Variants in GPR39 observed in about 807,000 individuals in gnomAD.
The protein encoded by GPR39 is G protein-coupled receptor 39, also known as zinc sensing receptor.
Under a neutral mutation model 18.4 loss-of-function variants are expected in GPR39, and 23 were observed. The ratio of observed to expected loss-of-function variants is 1.25; its 90% CI spans 0.90 to 1.77. GPR39 has a LOEUF of 1.77. Ranked by LOEUF, GPR39 falls within the 40% of genes most tolerant of loss-of-function variation. GPR39 has a pLI of 0.00. For missense variants in GPR39, 647 were observed against 602.4 expected, an observed-to-expected ratio of 1.07 and a Z score of -0.78; for synonymous variants, 280 against 257.9, an observed-to-expected ratio of 1.09 and a Z score of -0.82.
intron 1 of GPR39, among the ~76,000 whole-genome samples, chr2:132,542,910 G>A (rs116678019): frequency 0.015 from 2,285 of 152,258 alleles, 53 homozygotes; most frequent in African/African-American, 0.052. Context: ...AGGTGTCTGA[G>A]TTCCAGCCAG....
At chr2:132,507,560 C>G (rs1279826465) in intron 1 of GPR39, among the ~76,000 whole-genome samples, 1 of 152,176 alleles carries the variant, frequency 6.6e-6, no homozygotes, top group Non-Finnish European at 1.5e-5. Flanking sequence ...GTTTGAACCT[C>G]AGGAGTCTAC....
intron 1 of GPR39, among the ~76,000 whole-genome samples, chr2:132,570,416 C>T (rs1224692143): frequency 2.0e-5 from 3 of 152,132 alleles, no homozygotes; most frequent in Non-Finnish European, 4.4e-5. Context: ...TCCTTATATG[C>T]CCTCTACTAT....
intron 1 of GPR39, among the ~76,000 whole-genome samples, chr2:132,613,772 T>G (rs527664309): frequency 6.6e-6 from 1 of 152,330 alleles, no homozygotes; most frequent in East Asian, 1.9e-4. Flanking sequence ...AGTATCAGTG[T>G]CTATTGAAGT....
intron 1 of GPR39, among the ~76,000 whole-genome samples, chr2:132,552,204 G>T (rs549724526): frequency 6.6e-6 from 1 of 152,218 alleles, no homozygotes; most frequent in Non-Finnish European, 1.5e-5. Flanking sequence ...TAATAGTTTG[G>T]ATATATGTCC....
At chr2:132,615,774 T>C (rs114917035) in intron 1 of GPR39, among the ~76,000 whole-genome samples, 1,682 of 152,304 alleles carry the variant, frequency 0.011, 16 homozygotes, top group Non-Finnish European at 0.018. Context: ...ACTGTTTTGA[T>C]GTGGGCCAAG....
At chr2:132,573,425 G>A (rs1680476708) in intron 1 of GPR39, among the ~76,000 whole-genome samples, 1 of 152,164 alleles carries the variant, frequency 6.6e-6, no homozygotes, top group Non-Finnish European at 1.5e-5. Flanking sequence ...AGAGGGGCAA[G>A]GAGAGGGCCA....
chr2:132,607,475 C>A (rs911919549), intron 1 of GPR39, among the ~76,000 whole-genome samples: 1 of 152,104 alleles, frequency 6.6e-6, no homozygotes, highest in Non-Finnish European at 1.5e-5. Flanking sequence ...TTTTAATAGC[C>A]TTGGGGGCCA....
In GPR39 at chr2:132,417,881, A is replaced by G; in HGVS notation, c.839A>G (p.Gln280Arg). 6.3e-7 allele frequency: 1 copy of G among 1,592,300 alleles called. No individual in the cohort carries two copies. Among genetic ancestry groups the G allele is most frequent in the East Asian group, 2.2e-5 (1 of 44,596 alleles). ...ESEESRTARRQTIIFLRLIVV... is the reference protein window; with the variant it reads ...ESEESRTARRRTIIFLRLIVV... ...GAAGAGAGCAGGACCGCCAGGAGGC[A>G]GACCATCATCTTCCTGAGTGAGTCC... The change falls in exon 1 of 2, where the codon CAG becomes CGG. Residue 280 changes from glutamine (Q) to arginine (R), a missense_variant. Coordinates refer to ENST00000329321, the MANE Select transcript of GPR39 (RefSeq NM_001508.3).
intron 1 of GPR39, among the ~76,000 whole-genome samples, chr2:132,489,586 G>C (rs190667115): frequency 6.6e-6 from 1 of 151,986 alleles, no homozygotes; most frequent in Admixed American, 6.5e-5. Flanking sequence ...TGCAGGTACC[G>C]GGTAAGGAAA....
At chr2:132,539,010 G>A (rs4953983) in intron 1 of GPR39, among the ~76,000 whole-genome samples, 19,086 of 152,104 alleles carry the variant, frequency 0.13, 2,077 homozygotes, top group East Asian at 0.59. Context: ...TGTGGGAGTG[G>A]GACTTGCTGA....
chr2:132,617,014 G>A (rs552945618), intron 1 of GPR39, among the ~76,000 whole-genome samples: 1 of 152,070 alleles, frequency 6.6e-6, no homozygotes, highest in Non-Finnish European at 1.5e-5. Context: ...TTTTCCAGTA[G>A]CACAGTCAAA....
chr2:132,523,626 G>GGTGATGT (rs1167833236), intron 1 of GPR39: 1 of 152,148 alleles, frequency 6.6e-6, no homozygotes, highest in Admixed American at 6.5e-5. Context: ...AGGATATGAG[G>GGTGATGT]GTGATGTGGC....
At chr2:132,436,595 C>T (rs1680323089) in intron 1 of GPR39, among the ~76,000 whole-genome samples, 2 of 152,194 alleles carry the variant, frequency 1.3e-5, no homozygotes, top group South Asian at 4.1e-4. Context: ...GCTCTCAGCA[C>T]TTTACAATGT....
intron 1 of GPR39, among the ~76,000 whole-genome samples, chr2:132,463,186 A>G (rs1680864344): frequency 6.6e-6 from 1 of 152,220 alleles, no homozygotes; most frequent in Non-Finnish European, 1.5e-5. Flanking sequence ...ATAGGCAAGT[A>G]TATAAACTGA....
At chr2:132,442,404 A>AG (rs1680456101) in intron 1 of GPR39, among the ~76,000 whole-genome samples, 1 of 151,866 alleles carries the variant, frequency 6.6e-6, no homozygotes. Context: ...GTGGGGGTGG[A>AG]GGGGGGCTCC....
chr2:132,643,848 G>A (rs2104882408), intron 1 of GPR39, among the ~76,000 whole-genome samples: 1 of 152,228 alleles, frequency 6.6e-6, no homozygotes, highest in South Asian at 2.1e-4. Context: ...ATTTACCATG[G>A]GTCATAGGCA....
intron 1 of GPR39, among the ~76,000 whole-genome samples, chr2:132,495,327 T>C (rs1052170960): frequency 2.6e-5 from 4 of 152,176 alleles, no homozygotes; most frequent in African/African-American, 7.2e-5. Flanking sequence ...GCCAGAAATC[T>C]AGGTCCACCT....
intron 1 of GPR39, among the ~76,000 whole-genome samples, chr2:132,526,185 C>T (rs1005089668): frequency 2.0e-5 from 3 of 152,292 alleles, no homozygotes; most frequent in East Asian, 3.9e-4. Context: ...AATGACAGGA[C>T]ACTTCCCCAG....
chr2:132,529,790 G>A (rs935327139), intron 1 of GPR39, among the ~76,000 whole-genome samples: 1 of 152,202 alleles, frequency 6.6e-6, no homozygotes, highest in African/African-American at 2.4e-5. Flanking sequence ...GCAGCTGAGG[G>A]TCCTGACTGT....
Sources: gnomAD v4.1 joint callset for allele counts (sites outside exome capture counted in the v4.1 genomes callset) on GRCh38, gnomAD v4.1.1 for gene constraint, MANE v1.5 for transcripts, NCBI Gene and HGNC (gene_info 2026-07-23, HGNC 2026-07-21) for gene names.